CSMD1: variants seen among roughly 807,000 people sequenced by gnomAD.
The protein encoded by CSMD1 is CUB and Sushi multiple domains 1, also known as CUB and sushi domain-containing protein 1.
CSMD1 carries 213 observed loss-of-function variants against 417.5 expected under a neutral mutation model. That is an observed-to-expected ratio of 0.51 (90% confidence interval 0.46 to 0.57). The LOEUF is 0.57. CSMD1 is among the 20% of genes least tolerant of loss of function. CSMD1 has a pLI of 0.00. For missense variants in CSMD1, 6,923 were observed against 4,529.7 expected, an observed-to-expected ratio of 1.53 and a Z score of -15.17; for synonymous variants, 2,862 against 1,736.8, an observed-to-expected ratio of 1.65 and a Z score of -16.11.
intron 7 of CSMD1, among the ~76,000 whole-genome samples, chr8:3,617,806 G>A (rs1802217781): frequency 6.6e-6 from 1 of 152,088 alleles, no homozygotes; most frequent in Admixed American, 6.6e-5. Flanking sequence ...TATTATAGCT[G>A]ATTTACTATA....
intron 7 of CSMD1, among the ~76,000 whole-genome samples, chr8:3,646,292 T>C (rs57884893): frequency 0.014 from 2,100 of 152,270 alleles, 37 homozygotes; most frequent in South Asian, 0.057. Flanking sequence ...GTTGTAAAAG[T>C]ATGAAATATA....
chr8:3,350,512 T>TA (rs140564862), intron 21 of CSMD1, among the ~76,000 whole-genome samples: 3,585 of 152,204 alleles, frequency 0.024, 70 homozygotes, highest in East Asian at 0.081. Flanking sequence ...ATAGCACTTT[T>TA]AAAAAATATC....
chr8:4,032,999 G>C (rs190674506), intron 3 of CSMD1, among the ~76,000 whole-genome samples: 1 of 152,140 alleles, frequency 6.6e-6, no homozygotes, highest in East Asian at 1.9e-4. Context: ...GCGGAAGCCT[G>C]CTACCTGGAG....
chr8:3,814,103 C>G (rs1801236731), intron 5 of CSMD1, among the ~76,000 whole-genome samples: 1 of 152,190 alleles, frequency 6.6e-6, no homozygotes, highest in African/African-American at 2.4e-5. Context: ...AGCTTGAGAT[C>G]AGAACCCATG....
rs1050451070 is a variant in CSMD1, at chr8:3,219,303, G to C, written c.4624C>G (p.Arg1542Gly). Residue 1542 changes from arginine (R) to glycine (G), a missense_variant, in exon 29 of 70, where the codon CGG (arginine) becomes GGG (glycine). Physicochemically the swap from Arg to Gly is moderately radical, Grantham distance 125 (BLOSUM62 -2). Transcript: ENST00000635120. Reference protein sequence around the residue: ...SSGNSLFLAFRSDASVGLSGF... With the variant: ...SSGNSLFLAFGSDASVGLSGF... ...GAAAGGCCCACGGAGGCATCACTCC[G>C]AAATGCCAGAAACAGGCTGTTTCCG... 9 of 1,591,710 alleles carry C rather than the reference G, an allele frequency of 5.7e-6. No homozygotes were observed. The highest frequency in any genetic ancestry group is 2.6e-6 in the Non-Finnish European group (3 of 1,168,260).
At chr8:3,175,470 C>CTTTCCTTCCTTCT (rs1820856401) in intron 37 of CSMD1, among the ~76,000 whole-genome samples, 1 of 120,348 alleles carries the variant, frequency 8.3e-6, no homozygotes, top group East Asian at 2.8e-4. Context: ...TTCCTTCCTT[C>CTTTCCTTCCTTCT]TTTTCCCTTC....
intron 1 of CSMD1, among the ~76,000 whole-genome samples, chr8:4,795,210 A>T (rs1456814098): frequency 7.2e-6 from 1 of 139,504 alleles, no homozygotes; most frequent in Non-Finnish European, 1.5e-5. Flanking sequence ...TCACATATTG[A>T]GGTGCAATCA....
chr8:4,147,989 G>C lies in CSMD1; in HGVS notation c.416-115890C>G, dbSNP rs544518276. Among the ~76,000 whole-genome samples, 3 of 152,194 alleles carry C rather than the reference G, an allele frequency of 2.0e-5. No individual in the cohort carries two copies. The South Asian group carries it at 6.2e-4, about 32-fold the overall frequency. On this transcript the variant is annotated intron_variant, in intron 3 of 69. Coordinates refer to ENST00000635120, the MANE Select transcript of CSMD1 (RefSeq NM_033225.6). ...GCACCAAAGCCCTGAGTAGAGGTTAGGTCTTAAAACCACGGGTTCCATGAT... is the reference window on the plus strand; with the variant it reads ...GCACCAAAGCCCTGAGTAGAGGTTACGTCTTAAAACCACGGGTTCCATGAT...
chr8:3,556,543 C>CACACACAA (rs1563150218), intron 10 of CSMD1, among the ~76,000 whole-genome samples: 2 of 143,800 alleles, frequency 1.4e-5, no homozygotes, highest in African/African-American at 5.7e-5. Context: ...CACACACACA[C>CACACACAA]ACACACACCC....
intron 25 of CSMD1, among the ~76,000 whole-genome samples, chr8:3,289,908 G>A (rs200707621): frequency 1.4e-5 from 2 of 147,486 alleles, no homozygotes; most frequent in African/African-American, 5.4e-5. Flanking sequence ...ACCCATGCCT[G>A]TGTCCTGAAT....
chr8:3,898,665 A>G (rs2129132050), intron 5 of CSMD1, among the ~76,000 whole-genome samples: 1 of 152,312 alleles, frequency 6.6e-6, no homozygotes, highest in Middle Eastern at 3.4e-3. Flanking sequence ...CAGACCTGGT[A>G]TTTGTTGGTT....
chr8:4,738,644 G>A (rs148551410), intron 1 of CSMD1, among the ~76,000 whole-genome samples: 133 of 152,048 alleles, frequency 8.7e-4, no homozygotes, highest in Middle Eastern at 6.8e-3. Flanking sequence ...TTTTCCAACA[G>A]CATCGTTTCT....
At chr8:3,489,642 A>C (rs1379655710) in intron 11 of CSMD1, among the ~76,000 whole-genome samples, 1 of 152,200 alleles carries the variant, frequency 6.6e-6, no homozygotes, top group Non-Finnish European at 1.5e-5. Context: ...CCTCTCAGGG[A>C]AGGTGGATTA....
At chr8:3,496,221 G>T (rs909416646) in intron 10 of CSMD1, among the ~76,000 whole-genome samples, 1 of 152,066 alleles carries the variant, frequency 6.6e-6, no homozygotes, top group Non-Finnish European at 1.5e-5. Flanking sequence ...CTCAGCTATG[G>T]CTCCACTGCC....
chr8:3,269,999 G>A (rs987865279), intron 26 of CSMD1, among the ~76,000 whole-genome samples: 2 of 150,754 alleles, frequency 1.3e-5, no homozygotes, highest in Non-Finnish European at 1.5e-5. Context: ...CAACATGCAC[G>A]TAGACATGAA....
intron 54 of CSMD1, among the ~76,000 whole-genome samples, chr8:2,994,775 T>C (rs1415712414): frequency 1.3e-5 from 2 of 152,186 alleles, no homozygotes; most frequent in African/African-American, 2.4e-5. Flanking sequence ...TATTTTGGGT[T>C]AGAAACATAG....
chr8:4,573,325 A>C (rs1585269513), intron 2 of CSMD1, among the ~76,000 whole-genome samples: 1 of 152,142 alleles, frequency 6.6e-6, no homozygotes. Flanking sequence ...CTTTTTGTTA[A>C]TGTTGACGCT....
At chr8:3,248,218 A>T (rs1208359722) in intron 26 of CSMD1, among the ~76,000 whole-genome samples, 1 of 152,098 alleles carries the variant, frequency 6.6e-6, no homozygotes. Context: ...TTTCATTAAA[A>T]CCTTTACTGT....
intron 3 of CSMD1, among the ~76,000 whole-genome samples, chr8:4,375,802 A>G (rs1479994665): frequency 2.6e-5 from 4 of 152,068 alleles, no homozygotes; most frequent in African/African-American, 9.7e-5. Flanking sequence ...ATCCTCATAC[A>G]TTTTTTAAGA....
Sources: gnomAD v4.1 joint callset for allele counts (sites outside exome capture counted in the v4.1 genomes callset) on GRCh38, gnomAD v4.1.1 for gene constraint, MANE v1.5 for transcripts, NCBI Gene and HGNC (gene_info 2026-07-23, HGNC 2026-07-21) for gene names.